The following UBE2E1 variants were observed in gnomAD, a reference collection of about 807,000 sequenced individuals.
UBE2E1 encodes ubiquitin conjugating enzyme E2 E1.
Under a neutral mutation model 21.4 loss-of-function variants are expected in UBE2E1, and 6 were observed. The observed-to-expected ratio is 0.28, with a 90% CI of 0.15 to 0.55. The LOEUF is 0.55. Among genes scored for constraint, UBE2E1 ranks in the 20% least tolerant of loss-of-function variants. The pLI is 0.93. For missense variants in UBE2E1, 142 were observed against 236.5 expected (o/e 0.60, Z 2.62); for synonymous variants, 87 against 82.7 (o/e 1.05, Z -0.28).
intron 3 of UBE2E1, among the ~76,000 whole-genome samples, chr3:23,871,705 C>G (rs572697138): frequency 6.6e-6 from 1 of 150,868 alleles, no homozygotes; most frequent in Non-Finnish European, 1.5e-5. Context: ...GGGTCGCGGC[C>G]GGGTAGAGGT....
In UBE2E1 at chr3:23,825,224, A is replaced by G. The variant is rs1415918772; in HGVS notation, c.203+13714A>G. ...GGTGGGGTGGGCAGGGCAGTCTCCA[A>G]CCTGCCCCACCTGTGTTTCTCTGCC... On this transcript the variant is annotated intron_variant, in intron 3 of 5. Coordinates refer to ENST00000306627, the MANE Select transcript of UBE2E1 (RefSeq NM_003341.5). Among the ~76,000 whole-genome samples, 4 of 152,138 alleles carry G rather than the reference A, an allele frequency of 2.6e-5. 1 individual carries two copies. Among genetic ancestry groups the G allele is most frequent in the South Asian group, 4.1e-4 (2 of 4,826 alleles).
chr3:23,854,243 C>CAAAAAAAA (rs754330255), intron 3 of UBE2E1, among the ~76,000 whole-genome samples: 1 of 55,686 alleles, frequency 1.8e-5, no homozygotes. Flanking sequence ...GACTCAGTCT[C>CAAAAAAAA]AAAAAAAAAA....
intron 3 of UBE2E1, among the ~76,000 whole-genome samples, chr3:23,831,817 C>T (rs539750262): frequency 2.6e-5 from 4 of 152,184 alleles, no homozygotes; most frequent in Non-Finnish European, 5.9e-5. Context: ...CTGCCTCAGC[C>T]TCCCAAATGC....
chr3:23,813,806 G>T (rs754097984), intron 3 of UBE2E1, among the ~76,000 whole-genome samples: 5 of 152,228 alleles, frequency 3.3e-5, no homozygotes, highest in Admixed American at 6.5e-5. Context: ...CTCCCAAAGT[G>T]CTGGGGTTAC....
At chr3:23,885,875 AAAAAC>A (rs1001145495) in intron 3 of UBE2E1, among the ~76,000 whole-genome samples, 1 of 151,670 alleles carries the variant, frequency 6.6e-6, no homozygotes, top group Non-Finnish European at 1.5e-5. Flanking sequence ...AACAAACAAA[AAAAAC>A]AAAACAAACA....
rs1032657191 is a variant in UBE2E1 at position 23,836,358 on chromosome 3, T to C, written c.203+24848T>C. ...TCACAAGTTTTCACCTATAATGTAT[T>C]TACTCATTAAACATCAGATGTCTTC... On this transcript the variant is annotated intron_variant, in intron 3 of 5. Transcript: ENST00000306627. The surrounding 1 kb of genome is among the most constrained non-coding windows in gnomAD (Gnocchi z 4.1). 1.3e-5 allele frequency among the ~76,000 whole-genome samples: 2 copies of C among 152,238 alleles called. No individual in the cohort carries two copies. The highest frequency in any genetic ancestry group is 4.8e-5 in the African/African-American group (2 of 41,450).
chr3:23,860,063 A>G (rs959442712), intron 3 of UBE2E1, among the ~76,000 whole-genome samples: 2 of 152,176 alleles, frequency 1.3e-5, no homozygotes, highest in Non-Finnish European at 2.9e-5. Flanking sequence ...ATGTCTTGAA[A>G]TAAGGGATGG....
chr3:23,856,191 T>A (rs1378411955), intron 3 of UBE2E1, among the ~76,000 whole-genome samples: 1 of 152,084 alleles, frequency 6.6e-6, no homozygotes, highest in Non-Finnish European at 1.5e-5. Context: ...CATGCCTTGC[T>A]AATTTTTTTT....
intron 3 of UBE2E1, among the ~76,000 whole-genome samples, chr3:23,885,560 C>T (rs116204780): frequency 0.014 from 2,183 of 152,148 alleles, 61 homozygotes; most frequent in African/African-American, 0.051. Flanking sequence ...ATGGTGTAGA[C>T]AATGTTTAAA....
In UBE2E1 at chr3:23,810,616, G is replaced by A; in HGVS notation, c.153-844G>A. ...CTGTGCGGCCGCGGGCCGGCCACTTGGGGTCTGTGGTGCCCGAGTGGCGGG... is the reference window on the plus strand; with the variant it reads ...CTGTGCGGCCGCGGGCCGGCCACTTAGGGTCTGTGGTGCCCGAGTGGCGGG... On this transcript the variant is annotated intron_variant, in intron 2 of 5. Transcript: ENST00000306627. The surrounding 1 kb of genome is among the most constrained non-coding windows in gnomAD (Gnocchi z 5.8). 1.6e-6 allele frequency: 2 copies of A among 1,284,392 alleles called. No homozygotes were observed. The highest frequency in any genetic ancestry group is 3.0e-5 in the South Asian group (2 of 67,446). The allele number at this position is 1,284,392 out of a possible 1,614,324, so 79.6% of individuals were successfully genotyped here.
At chr3:23,882,585 G>T (rs527526781) in intron 3 of UBE2E1, among the ~76,000 whole-genome samples, 3 of 152,074 alleles carry the variant, frequency 2.0e-5, no homozygotes, top group South Asian at 2.1e-4. Context: ...AGCAGGGGGT[G>T]GTCCCCATCG....
chr3:23,823,826 G>A lies in UBE2E1; in HGVS notation c.203+12316G>A, dbSNP rs1263754533. Among the ~76,000 whole-genome samples the A allele has an allele frequency of 1.3e-5, 2 of 152,194 alleles. No homozygotes were observed. The highest frequency in any genetic ancestry group is 2.9e-5 in the Non-Finnish European group (2 of 68,034). ...AAGTTAGCAGCGTCATATACTACTT[G>A]CTAGTATATCACACTGCTTTGGCCT... On this transcript the variant is annotated intron_variant, in intron 3 of 5. Transcript: ENST00000306627. The surrounding 1 kb of genome is among the most constrained non-coding windows in gnomAD (Gnocchi z 4.2).
intron 3 of UBE2E1, among the ~76,000 whole-genome samples, chr3:23,835,974 TAAC>T (rs1020216428): frequency 6.6e-6 from 1 of 152,258 alleles, no homozygotes; most frequent in African/African-American, 2.4e-5. Flanking sequence ...CTATTTCTAA[TAAC>T]TTCTTTTCAG....
intron 3 of UBE2E1, among the ~76,000 whole-genome samples, chr3:23,820,747 T>C (rs1241653803): frequency 4.6e-5 from 7 of 152,216 alleles, no homozygotes; most frequent in Admixed American, 4.6e-4. Context: ...AAATTTTAAA[T>C]AGTAATACAA....
In UBE2E1 at chr3:23,810,610, C is replaced by G; in HGVS notation, c.153-850C>G. ...GTGCACCTGTGCGGCCGCGGGCCGG[C>G]CACTTGGGGTCTGTGGTGCCCGAGT... is the stretch of plus-strand genomic sequence containing the variant. On this transcript the variant is annotated intron_variant, in intron 2 of 5. Coordinates refer to ENST00000306627, the MANE Select transcript of UBE2E1 (RefSeq NM_003341.5). This position sits in a 1 kb window ranked among gnomAD's most constrained non-coding sequence, Gnocchi z 5.8. The G allele has an allele frequency of 5.2e-6, 7 of 1,346,910 alleles. No individual in the cohort carries two copies. The highest frequency in any genetic ancestry group is 7.0e-6 in the Non-Finnish European group (7 of 1,003,828). 83.4% of individuals were successfully genotyped at this position (1,346,910 alleles called of 1,614,324 possible).
At chr3:23,888,701 T>C (rs560545622) in intron 4 of UBE2E1, among the ~76,000 whole-genome samples, 7 of 151,172 alleles carry the variant, frequency 4.6e-5, no homozygotes, top group Admixed American at 3.3e-4. Context: ...GTATGTTGTT[T>C]AATTATCTTT....
At chr3:23,812,991 A>G (rs1346028848) in intron 3 of UBE2E1, among the ~76,000 whole-genome samples, 2 of 134,198 alleles carry the variant, frequency 1.5e-5, no homozygotes, top group African/African-American at 5.7e-5. Flanking sequence ...GGGATTAAGC[A>G]TTTAAAAAAA....
chr3:23,839,284 A>T (rs1371655611), intron 3 of UBE2E1, among the ~76,000 whole-genome samples: 3 of 152,006 alleles, frequency 2.0e-5, no homozygotes, highest in African/African-American at 7.3e-5. Flanking sequence ...TAACACGGTG[A>T]AACCCTGTCT....
chr3:23,886,804 C>T (rs1334171261), intron 3 of UBE2E1, among the ~76,000 whole-genome samples: 3 of 152,204 alleles, frequency 2.0e-5, no homozygotes, highest in Non-Finnish European at 4.4e-5. Flanking sequence ...AAATCCAATT[C>T]ACATCGTACA....
Sources: allele counts gnomAD v4.1 joint callset (sites outside exome capture counted in the v4.1 genomes callset), GRCh38; gene constraint gnomAD v4.1.1; non-coding constraint Gnocchi (gnomAD v3.1); transcripts MANE v1.5; gene names NCBI Gene and HGNC (gene_info 2026-07-23, HGNC 2026-07-21).